Variants in SCAMP4 observed in about 807,000 individuals in gnomAD.
The protein encoded by SCAMP4 is secretory carrier-associated membrane protein 4.
In SCAMP4, 19 loss-of-function variants were observed where a neutral mutation model predicts 32.1. That is an observed-to-expected ratio of 0.59 (90% confidence interval 0.41 to 0.87). SCAMP4 has a LOEUF of 0.87. Among genes scored for constraint, SCAMP4 ranks in the 40% least tolerant of loss-of-function variants. SCAMP4 has a pLI of 0.00. For missense variants in SCAMP4, 302 were observed against 309.0 expected (o/e 0.98, Z 0.17); for synonymous variants, 152 against 132.7 (o/e 1.15, Z -1.00).
rs934705865 is a variant in SCAMP4, at chr19:1,921,695, A to G, written c.396-1375A>G. 16 of 985,144 alleles carry G rather than the reference A, an allele frequency of 1.6e-5. No homozygotes were observed. In the Admixed American group the frequency reaches 4.9e-4, roughly 30 times the overall value. 61.0% of individuals were successfully genotyped at this position (985,144 alleles called of 1,614,324 possible). A position where few individuals can be genotyped will look rare whatever the true frequency, so the allele number is the denominator to read the frequency against. On this transcript the variant is annotated intron_variant, in intron 5 of 6. Transcript: ENST00000316097. ...GGTTTACTTTTTTAAAAAATAAAAG[A>G]GGCCAGGCATGGTGGCTGACGCCTG...
chr19:1,912,369 A>G (rs895717804), intron 1 of SCAMP4: 18 of 1,525,706 alleles, frequency 1.2e-5, no homozygotes, highest in South Asian at 6.1e-5. Flanking sequence ...CGCCCTGGAG[A>G]TGCTGCTTTG....
intron 1 of SCAMP4, among the ~76,000 whole-genome samples, chr19:1,910,953 G>A (rs1182877999): frequency 6.6e-6 from 1 of 151,570 alleles, no homozygotes; most frequent in Non-Finnish European, 1.5e-5. Context: ...TGTAACCTGC[G>A]CCTCCCAGGT....
intron 1 of SCAMP4, chr19:1,913,344 G>A: frequency 1.4e-5 from 11 of 801,364 alleles, no homozygotes; most frequent in Non-Finnish European, 2.1e-5. Flanking sequence ...GGGCCACCCC[G>A]TGCCAGCGGT....
intron 1 of SCAMP4, chr19:1,911,775 C>T (rs114507095): frequency 0.019 from 6,451 of 337,608 alleles, 390 homozygotes; most frequent in African/African-American, 0.13. Context: ...AGCGAGACTC[C>T]GTCTCAGAAG....
chr19:1,921,790 G>A, intron 5 of SCAMP4: 1 of 984,968 alleles, frequency 1.0e-6, no homozygotes. Flanking sequence ...GACTGGCCTG[G>A]GCAACATAGG....
intron 1 of SCAMP4, chr19:1,914,610 T>C: frequency 3.7e-6 from 1 of 272,886 alleles, no homozygotes; most frequent in Admixed American, 4.9e-5. Context: ...GCCATGCGGA[T>C]GCGATGGGGT....
chr19:1,915,938 GTCTCA>G (rs2013718162), intron 2 of SCAMP4, among the ~76,000 whole-genome samples: 6 of 57,916 alleles, frequency 1.0e-4, no homozygotes, highest in Middle Eastern at 0.01. Context: ...GAGCGAGACT[GTCTCA>G]GAAAAAAAAA....
In SCAMP4 at chr19:1,925,507, C is replaced by G. The variant is rs1261455638; in HGVS notation, c.*1223C>G. 6.5e-6 allele frequency: 1 copy of G among 153,050 alleles called. No individual in the cohort carries two copies. Among genetic ancestry groups the G allele is most frequent in the Admixed American group, 6.6e-5 (1 of 15,258 alleles). 9.5% of individuals were successfully genotyped at this position (153,050 alleles called of 1,614,324 possible). A position where few individuals can be genotyped will look rare whatever the true frequency, so the allele number is the denominator to read the frequency against. On this transcript the variant is annotated 3_prime_UTR_variant, in exon 7 of 7. Coordinates refer to ENST00000316097, the MANE Select transcript of SCAMP4 (RefSeq NM_079834.4). ...CACCCCCCAACTCCCCCTGGAACAC[C>G]TCTCCCAGGCAAGACATTTTCACAG...
chr19:1,916,365 G>T (rs750492704), intron 2 of SCAMP4, among the ~76,000 whole-genome samples: 3 of 152,188 alleles, frequency 2.0e-5, no homozygotes, highest in African/African-American at 2.4e-5. Flanking sequence ...AGGCAGGAAG[G>T]CTCCTTCCCC....
rs981075909 is a variant in SCAMP4 at position 1,908,793 on chromosome 19, C to A, written c.-42+3354C>A. On this transcript the variant is annotated intron_variant, in intron 1 of 6. Transcript: ENST00000316097. This position sits in a 1 kb window ranked among gnomAD's most constrained non-coding sequence, Gnocchi z 4.2. Reference sequence around the variant, plus strand: ...GGACTACATGTGCACACCACCGTGCCCAACTAATTTATACTTTTAAGCAAT... The same window carrying A: ...GGACTACATGTGCACACCACCGTGCACAACTAATTTATACTTTTAAGCAAT... 6.6e-6 allele frequency among the ~76,000 whole-genome samples: 1 copy of A among 152,122 alleles called. No homozygotes were observed. The highest frequency in any genetic ancestry group is 6.6e-5 in the Admixed American group (1 of 15,262).
Position 1,924,491 on chromosome 19 carries a change from C to T in SCAMP4, c.*207C>T. On this transcript the variant is annotated 3_prime_UTR_variant, in exon 7 of 7. Transcript: ENST00000316097. The stretch of plus-strand genomic sequence containing the variant: ...GAGAGCGGAGTTCCTCACAAGCACT[C>T]CCCAGCAGCCCTTGGCCTCTGCCGT... 5.1e-6 allele frequency: 3 copies of T among 588,862 alleles called. No homozygotes were observed. In the South Asian group the frequency reaches 6.0e-5, roughly 12 times the overall value. 36.5% of individuals were successfully genotyped at this position (588,862 alleles called of 1,614,324 possible).
chr19:1,915,304 G>A (rs1352323474), intron 2 of SCAMP4: 3 of 556,194 alleles, frequency 5.4e-6, no homozygotes, highest in Non-Finnish European at 9.7e-6. Context: ...TTTCCTTATA[G>A]CAGCGGGCGT....
In SCAMP4 at chr19:1,924,427, C is replaced by G. The variant is rs1344672485; in HGVS notation, c.*143C>G. On this transcript the variant is annotated 3_prime_UTR_variant, in exon 7 of 7. Transcript: ENST00000316097. The stretch of plus-strand genomic sequence containing the variant: ...GCCGGTGGTGGCCACGGACCGCCCC[C>G]CTCCTGCCAGGGCCACAGAACCCGT... The G allele has an allele frequency of 7.3e-6, 5 of 683,844 alleles. No homozygotes were observed. The highest frequency in any genetic ancestry group is 3.5e-5 in the South Asian group (2 of 56,448). 42.4% of individuals were successfully genotyped at this position (683,844 alleles called of 1,614,324 possible).
At chr19:1,918,635 G>A (rs540416978) in intron 4 of SCAMP4, 24 of 550,096 alleles carry the variant, frequency 4.4e-5, no homozygotes, top group Non-Finnish European at 6.2e-5. Flanking sequence ...GGTTGCGGGC[G>A]CCTATAATCC....
rs2013375800 is a variant in SCAMP4 at position 1,910,325 on chromosome 19, A to C, written c.-41-4654A>C. Among the ~76,000 whole-genome samples the C allele has an allele frequency of 2.6e-5, 4 of 152,324 alleles. No homozygotes were observed. The South Asian group carries it at 8.3e-4, about 32-fold the overall frequency. On this transcript the variant is annotated intron_variant, in intron 1 of 6. Transcript: ENST00000316097. ...CAAGGGTCCTGCTCAGTTCCTGGCC[A>C]CATGGCCCTTCTGTCTGGAAGCCAG...
Position 1,920,448 on chromosome 19 carries a change from T to TGCGCCTG in SCAMP4, c.395+1464_395+1470dup. On this transcript the variant is annotated intron_variant, in intron 5 of 6. Coordinates refer to ENST00000316097, the MANE Select transcript of SCAMP4 (RefSeq NM_079834.4). ...CTGCAGGCCTCTCCCCTCCTGCACCTGCGCCTGGCGCCAGGCCCTCCAGGG... is the reference window on the plus strand; with the variant it reads ...CTGCAGGCCTCTCCCCTCCTGCACCTGCGCCTGGCGCCTGGCGCCAGGCCCTCCAGGG... 4.8e-6 allele frequency: 3 copies of TGCGCCTG among 618,696 alleles called. No homozygotes were observed. The South Asian group carries it at 2.1e-4, about 44-fold the overall frequency. 38.3% of individuals were successfully genotyped at this position (618,696 alleles called of 1,614,324 possible).
chr19:1,923,061 C>G lies in SCAMP4; in HGVS notation c.396-9C>G. 1 of 1,546,510 alleles carries G rather than the reference C, an allele frequency of 6.5e-7. No homozygotes were observed. The highest frequency in any genetic ancestry group is 2.0e-5 in the Admixed American group (1 of 50,572). ...TGCAGGCACCCACGCACTCTCTTGT[C>G]CCTTGCAGCGGCTGGCTGTCGGCAA... On this transcript the variant is annotated splice_polypyrimidine_tract_variant and intron_variant, in intron 5 of 6. Transcript: ENST00000316097.
intron 1 of SCAMP4, chr19:1,913,415 G>A (rs778814219): frequency 1.0e-5 from 6 of 579,870 alleles, no homozygotes; most frequent in Non-Finnish European, 1.9e-5. Flanking sequence ...CCGGGAAACT[G>A]CTCTGATGGG....
chr19:1,909,632 C>A (rs576004943), intron 1 of SCAMP4, among the ~76,000 whole-genome samples: 25 of 152,154 alleles, frequency 1.6e-4, no homozygotes, highest in African/African-American at 6.0e-4. Context: ...GGTAACAGTG[C>A]TGGTGATGTC....
Sources: gnomAD v4.1 joint callset for allele counts (sites outside exome capture counted in the v4.1 genomes callset) on GRCh38, gnomAD v4.1.1 for gene constraint, Gnocchi (gnomAD v3.1) non-coding constraint, MANE v1.5 for transcripts, NCBI Gene and HGNC (gene_info 2026-07-23, HGNC 2026-07-21) for gene names.